Variants in EDEM1 observed in about 807,000 individuals in gnomAD.
The protein encoded by EDEM1 is ER degradation enhancing alpha-mannosidase like protein 1, also known as ER degradation-enhancing alpha-mannosidase-like protein 1.
In EDEM1, 67 loss-of-function variants were observed where a neutral mutation model predicts 74.4. The observed-to-expected ratio is 0.90, with a 90% CI of 0.74 to 1.10. EDEM1 has a LOEUF of 1.10. EDEM1 is among the 50% of genes least tolerant of loss of function. EDEM1 has a pLI of 0.00. For missense variants in EDEM1, 926 were observed against 851.6 expected (o/e 1.09, Z -1.09); for synonymous variants, 382 against 335.9 (o/e 1.14, Z -1.50).
chr3:5,213,312 C>A lies in EDEM1; in HGVS notation c.1681-7C>A, dbSNP rs762348400. On this transcript the variant is annotated splice_region_variant and splice_polypyrimidine_tract_variant and intron_variant, in intron 10 of 11. Transcript: ENST00000256497. ...ATTGGTTGTATCTTTTTCTCCGTTC[C>A]CTCTAGCTGTTTGATGAAGACAATC... The A allele has an allele frequency of 6.2e-7, 1 of 1,611,048 alleles. No homozygotes were observed. Among genetic ancestry groups the A allele is most frequent in the South Asian group, 1.1e-5 (1 of 90,408 alleles).
At chr3:5,191,798 CTA>C (rs2054905432) in intron 1 of EDEM1, among the ~76,000 whole-genome samples, 3 of 152,288 alleles carry the variant, frequency 2.0e-5, no homozygotes, top group Admixed American at 1.3e-4. Flanking sequence ...TCTAAGATAA[CTA>C]TGCAAAGTCA....
intron 6 of EDEM1, among the ~76,000 whole-genome samples, chr3:5,206,215 T>C (rs550240600): frequency 7.2e-5 from 11 of 151,836 alleles, no homozygotes; most frequent in African/African-American, 2.7e-4. Context: ...TCTTTCTTTT[T>C]TTTTTTTTTT....
chr3:5,203,938 G>T (rs1268630386), intron 5 of EDEM1, among the ~76,000 whole-genome samples: 3 of 151,958 alleles, frequency 2.0e-5, no homozygotes, highest in Admixed American at 1.3e-4. Flanking sequence ...TCACTATGTT[G>T]CCTGACTAGT....
At position 5,199,579 on chromosome 3, in the gene EDEM1, C is replaced by CA; in HGVS notation, c.583-13_583-12insA. On this transcript the variant is annotated splice_polypyrimidine_tract_variant and intron_variant, in intron 2 of 11. Transcript: ENST00000256497. The stretch of plus-strand genomic sequence containing the variant: ...TCAAGTTGCTGTAATGACCTGTGTT[C>CA]CTCTTTTTAAAGATAATGGGAAATT... 2 of 1,596,070 alleles carry CA rather than the reference C, an allele frequency of 1.3e-6. No individual in the cohort carries two copies. Among genetic ancestry groups the CA allele is most frequent in the Non-Finnish European group, 1.7e-6 (2 of 1,165,118 alleles).
chr3:5,192,883 A>G (rs1336475892), intron 1 of EDEM1, among the ~76,000 whole-genome samples: 1 of 152,112 alleles, frequency 6.6e-6, no homozygotes, highest in African/African-American at 2.4e-5. Context: ...TTGTCTGACT[A>G]GAGTGGAGAG....
At chr3:5,215,084 G>T (rs1194436168) in intron 11 of EDEM1, among the ~76,000 whole-genome samples, 1 of 152,184 alleles carries the variant, frequency 6.6e-6, no homozygotes, top group Non-Finnish European at 1.5e-5. Context: ...GCTGGTGGGG[G>T]CAGTCGGGAC....
At chr3:5,213,632 G>A in intron 11 of EDEM1, 110 bp downstream of exon 11, 1 of 1,121,904 alleles carries the variant, frequency 8.9e-7, no homozygotes, top group South Asian at 1.7e-5. Context: ...TGCAGATTGG[G>A]AGATTTGAAA....
In EDEM1 at chr3:5,194,845, T is replaced by C. The variant is rs183030044; in HGVS notation, c.510-364T>C. ...AGGTGGGTCGTATGACAAGGGCTCT[T>C]CTTTAGTTCCTAATGATTGTGAAAT... On this transcript the variant is annotated intron_variant, in intron 1 of 11. Coordinates refer to ENST00000256497, the MANE Select transcript of EDEM1 (RefSeq NM_014674.3). Among the ~76,000 whole-genome samples the C allele has an allele frequency of 1.4e-3, 208 of 152,354 alleles. 1 individual carries two copies. The highest frequency in any genetic ancestry group is 4.9e-3 in the African/African-American group (203 of 41,578).
chr3:5,208,477 T>C (rs1357552024), intron 8 of EDEM1, among the ~76,000 whole-genome samples: 1 of 152,158 alleles, frequency 6.6e-6, no homozygotes, highest in Non-Finnish European at 1.5e-5. Context: ...GTTTTTAACC[T>C]AATATTCTAC....
At position 5,201,882 on chromosome 3, in the gene EDEM1, C is replaced by G; in HGVS notation, c.816C>G (p.Leu272=). The change falls in exon 4 of 12, where the codon CTC becomes CTG. Residue 272 remains leucine (L), a synonymous_variant. Coordinates refer to ENST00000256497, the MANE Select transcript of EDEM1 (RefSeq NM_014674.3). ...CCCATGACCTGGCGGTGCGGCTCCT[C>G]CCTGCTTTTGAAAACACCAAGACAG... ...YMAHDLAVRL[L]PAFENTKTGI... 1 of 1,614,106 alleles carries G rather than the reference C, an allele frequency of 6.2e-7. No individual in the cohort carries two copies.
intron 1 of EDEM1, 25 bp downstream of exon 1, chr3:5,188,339 C>A (rs773139863): frequency 4.8e-5 from 67 of 1,401,720 alleles, no homozygotes; most frequent in Admixed American, 6.8e-5. Context: ...CCGCCCGGGG[C>A]CGCGCGCCCA....
At chr3:5,201,533 A>C (rs1206832738) in intron 3 of EDEM1, among the ~76,000 whole-genome samples, 2 of 152,224 alleles carry the variant, frequency 1.3e-5, no homozygotes, top group Non-Finnish European at 2.9e-5. Context: ...AGTCTCGAAT[A>C]AATGATTCCC....
intron 3 of EDEM1, among the ~76,000 whole-genome samples, chr3:5,200,467 CTCTT>C (rs2055021675): frequency 6.6e-6 from 1 of 152,164 alleles, no homozygotes; most frequent in Non-Finnish European, 1.5e-5. Flanking sequence ...CTCTGTCTCT[CTCTT>C]TTTCTCTATT....
intron 11 of EDEM1, among the ~76,000 whole-genome samples, chr3:5,214,179 G>A (rs1050123774): frequency 2.0e-5 from 3 of 152,210 alleles, no homozygotes; most frequent in African/African-American, 7.2e-5. Context: ...TGCATCCCTA[G>A]TGAAAGTATC....
Position 5,216,626 on chromosome 3 carries a change from A to C in EDEM1, c.*708A>C, listed in dbSNP as rs996457584. 6.6e-6 allele frequency: 1 copy of C among 152,652 alleles called. No individual in the cohort carries two copies. The highest frequency in any genetic ancestry group is 1.5e-5 in the Non-Finnish European group (1 of 68,058). 9.5% of individuals were successfully genotyped at this position (152,652 alleles called of 1,614,324 possible). A position where few individuals can be genotyped will look rare whatever the true frequency, so the allele number is the denominator to read the frequency against. ...CATCCAGTTTTTCATGTTTGCCTCAAGTAATCTTTACAGTGTTACAAATTA... is the reference window on the plus strand; with the variant it reads ...CATCCAGTTTTTCATGTTTGCCTCACGTAATCTTTACAGTGTTACAAATTA... On this transcript the variant is annotated 3_prime_UTR_variant, in exon 12 of 12. Coordinates refer to ENST00000256497, the MANE Select transcript of EDEM1 (RefSeq NM_014674.3).
intron 1 of EDEM1, chr3:5,189,312 G>A (rs1400019462): frequency 6.6e-6 from 1 of 152,210 alleles, no homozygotes. Flanking sequence ...GTGGAGTCCA[G>A]TCCTTAGGTT....
At chr3:5,210,050 G>A (rs1049007555) in intron 8 of EDEM1, 125 bp from the exon 9 acceptor site, 48 of 762,662 alleles carry the variant, frequency 6.3e-5, no homozygotes, top group Middle Eastern at 2.7e-4. Context: ...TAAATGACCT[G>A]GGCCCTGTTT....
chr3:5,201,966 A>C (rs780459815), intron 4 of EDEM1, 42 bp downstream of exon 4: 2 of 1,566,242 alleles, frequency 1.3e-6, no homozygotes, highest in African/African-American at 2.8e-5. Context: ...ACAATTCACT[A>C]TCTTCCTGAA....
chr3:5,216,097 G>T lies in EDEM1; in HGVS notation c.*179G>T. 1.8e-6 allele frequency: 1 copy of T among 554,950 alleles called. No individual in the cohort carries two copies. Among genetic ancestry groups the T allele is most frequent in the Non-Finnish European group, 3.1e-6 (1 of 319,994 alleles). The allele number at this position is 554,950 out of a possible 1,614,324, so 34.4% of individuals were successfully genotyped here. On this transcript the variant is annotated 3_prime_UTR_variant, in exon 12 of 12. Transcript: ENST00000256497. Reference sequence around the variant, plus strand: ...TTGCACACTTCAGTGTTTCTCTCCTGTTCAATAAAATGCCCTGTTAAGGAT... The same window carrying T: ...TTGCACACTTCAGTGTTTCTCTCCTTTTCAATAAAATGCCCTGTTAAGGAT...
Sources: gnomAD v4.1 joint callset for allele counts (sites outside exome capture counted in the v4.1 genomes callset) on GRCh38, gnomAD v4.1.1 for gene constraint, MANE v1.5 for transcripts, NCBI Gene and HGNC (gene_info 2026-07-23, HGNC 2026-07-21) for gene names.